AGTPBP1: variants seen among roughly 807,000 people sequenced by gnomAD.
AGTPBP1 encodes cytosolic carboxypeptidase 1.
AGTPBP1 carries 70 observed loss-of-function variants against 143.9 expected under a neutral mutation model. The ratio of observed to expected loss-of-function variants is 0.49; its 90% CI spans 0.40 to 0.59. AGTPBP1 has a LOEUF of 0.59. AGTPBP1 is among the 20% of genes least tolerant of loss of function. The pLI, the probability that AGTPBP1 is intolerant of heterozygous loss-of-function variation, is 0.00. For synonymous variants in AGTPBP1, 463 were observed against 500.2 expected, an observed-to-expected ratio of 0.93 and a Z score of 0.99; for missense variants, 1,229 against 1,464.5, an observed-to-expected ratio of 0.84 and a Z score of 2.62.
rs199589522 is a variant in AGTPBP1 at position 85,741,905 on chromosome 9, A to AGGCGGCGGCGGCGGC, written c.-179_-165dup. On this transcript the variant is annotated 5_prime_UTR_variant, in exon 1 of 26. Coordinates refer to ENST00000357081, the MANE Select transcript of AGTPBP1 (RefSeq NM_001330701.2). The stretch of plus-strand genomic sequence containing the variant: ...CAAACCCCGGTGGCAGGCGAGGCGG[A>AGGCGGCGGCGGCGGC]GGCGGCGGCGGCGGCAGCTGCGGCG... 4.5e-6 allele frequency: 6 copies of AGGCGGCGGCGGCGGC among 1,335,898 alleles called. No homozygotes were observed. Among genetic ancestry groups the AGGCGGCGGCGGCGGC allele is most frequent in the Non-Finnish European group, 4.8e-6 (5 of 1,046,534 alleles). The allele number at this position is 1,335,898 out of a possible 1,614,324, so 82.8% of individuals were successfully genotyped here. A position where few individuals can be genotyped will look rare whatever the true frequency, so the allele number is the denominator to read the frequency against.
chr9:85,575,926 T>C (rs1827869269), intron 24 of AGTPBP1, among the ~76,000 whole-genome samples: 2 of 152,180 alleles, frequency 1.3e-5, no homozygotes, highest in South Asian at 2.1e-4. Context: ...ACTTCTACTG[T>C]ATGATAAGAG....
chr9:85,679,559 C>T (rs532939009), intron 4 of AGTPBP1, among the ~76,000 whole-genome samples: 1 of 152,284 alleles, frequency 6.6e-6, no homozygotes, highest in South Asian at 2.1e-4. Context: ...AGGCGTCCGC[C>T]ACCACATCCA....
chr9:85,586,996 G>T, intron 21 of AGTPBP1, 36 bp from the exon 22 acceptor site: 3 of 1,611,622 alleles, frequency 1.9e-6, no homozygotes, highest in Non-Finnish European at 2.5e-6. Context: ...GAAAAACACT[G>T]GTACCCATAA....
intron 1 of AGTPBP1, among the ~76,000 whole-genome samples, chr9:85,731,485 G>A (rs1006180563): frequency 5.3e-5 from 8 of 151,922 alleles, no homozygotes; most frequent in Admixed American, 2.6e-4. Context: ...TTTGAGACAC[G>A]GTCTTGCTCT....
chr9:85,554,554 C>T (rs991950056), intron 25 of AGTPBP1, among the ~76,000 whole-genome samples: 3 of 152,160 alleles, frequency 2.0e-5, no homozygotes, highest in Non-Finnish European at 4.4e-5. Context: ...AGGTTTCATA[C>T]ATTTTGCAAC....
chr9:85,583,056 T>C (rs1828375636), intron 23 of AGTPBP1, among the ~76,000 whole-genome samples: 1 of 152,014 alleles, frequency 6.6e-6, no homozygotes, highest in African/African-American at 2.4e-5. Flanking sequence ...GATGTGACAA[T>C]GGAAGCAGAG....
At chr9:85,570,910 G>T (rs1827419387) in intron 25 of AGTPBP1, among the ~76,000 whole-genome samples, 1 of 152,174 alleles carries the variant, frequency 6.6e-6, no homozygotes, top group African/African-American at 2.4e-5. Flanking sequence ...CAGGCAGGTT[G>T]ATCAAGTAAG....
At chr9:85,589,390 T>C in intron 20 of AGTPBP1, 138 bp downstream of exon 20, 1 of 1,116,642 alleles carries the variant, frequency 9.0e-7, no homozygotes, top group Non-Finnish European at 1.2e-6. Flanking sequence ...CATGGCTAGC[T>C]AGATAATAGC....
intron 17 of AGTPBP1, among the ~76,000 whole-genome samples, chr9:85,601,081 G>T (rs575260267): frequency 6.6e-6 from 1 of 152,098 alleles, no homozygotes; most frequent in Non-Finnish European, 1.5e-5. Flanking sequence ...ATTAACACAC[G>T]CCTTGCAAAC....
the AGTPBP1 span, among the ~76,000 whole-genome samples, chr9:85,761,337 C>T: frequency 6.6e-6 from 1 of 152,164 alleles, no homozygotes; most frequent in Non-Finnish European, 1.5e-5. Context: ...GCCAAAAGAA[C>T]AAAGCTGGAG....
rs576824120 is a variant in AGTPBP1 at position 85,546,987 on chromosome 9, C to T, written c.*122G>A. 1.0e-6 allele frequency: 1 copy of T among 986,642 alleles called. No homozygotes were observed. 61.1% of individuals were successfully genotyped at this position (986,642 alleles called of 1,614,324 possible). ...TTTATTATCTTGAAACCAAACTGGC[C>T]CAAGTTACTTTTTGTCTTTTTGAGT... On this transcript the variant is annotated 3_prime_UTR_variant, in exon 26 of 26. Transcript: ENST00000357081.
chr9:85,761,923 TA>T, the AGTPBP1 span, among the ~76,000 whole-genome samples: 3 of 151,960 alleles, frequency 2.0e-5, no homozygotes, highest in African/African-American at 7.3e-5. Flanking sequence ...CAAACAAATT[TA>T]CAAGAAAAAA....
At chr9:85,781,530 AGAAGT>A in the AGTPBP1 span, among the ~76,000 whole-genome samples, 1 of 152,252 alleles carries the variant, frequency 6.6e-6, no homozygotes, top group Admixed American at 6.5e-5. Flanking sequence ...GAACCACATG[AGAAGT>A]GAATGAACAA....
At chr9:85,555,166 T>C (rs1407757035) in intron 25 of AGTPBP1, among the ~76,000 whole-genome samples, 1 of 152,086 alleles carries the variant, frequency 6.6e-6, no homozygotes, top group Non-Finnish European at 1.5e-5. Flanking sequence ...AAATCACAAA[T>C]TTAGGAGGGG....
upstream of AGTPBP1, among the ~76,000 whole-genome samples, chr9:85,746,696 A>T (rs1441117756): frequency 6.6e-6 from 1 of 152,062 alleles, no homozygotes; most frequent in Admixed American, 6.6e-5. Flanking sequence ...AGTGTACAGC[A>T]TGATGACTAT....
chr9:85,598,817 T>C (rs1477741492), intron 17 of AGTPBP1, among the ~76,000 whole-genome samples: 3 of 152,138 alleles, frequency 2.0e-5, no homozygotes, highest in Non-Finnish European at 2.9e-5. Flanking sequence ...CCTCCCAGGT[T>C]CAAGTGATTC....
At chr9:85,625,392 A>G (rs1488765349) in intron 14 of AGTPBP1, among the ~76,000 whole-genome samples, 1 of 152,210 alleles carries the variant, frequency 6.6e-6, no homozygotes, top group Non-Finnish European at 1.5e-5. Flanking sequence ...GTGGAAAATG[A>G]TATCTCAGTA....
rs371743071 is a variant in AGTPBP1 at position 85,610,799 on chromosome 9, T to C, written c.2335+8184A>G. Among the ~76,000 whole-genome samples, 43 of 152,348 alleles carry C rather than the reference T, an allele frequency of 2.8e-4. 1 individual carries two copies. The highest frequency in any genetic ancestry group is 1.0e-3 in the African/African-American group (42 of 41,576). On this transcript the variant is annotated intron_variant, in intron 17 of 25. Transcript: ENST00000357081. Reference sequence around the variant, plus strand: ...CAGCCCCCACCCTTAAAATGAATTATTGCTAGTTATAATTGCTTACAATGT... The same window carrying C: ...CAGCCCCCACCCTTAAAATGAATTACTGCTAGTTATAATTGCTTACAATGT...
Position 85,623,989 on chromosome 9 carries a change from C to G in AGTPBP1, c.2016-2704G>C, listed in dbSNP as rs528262943. Among the ~76,000 whole-genome samples, 62 of 152,260 alleles carry G rather than the reference C, an allele frequency of 4.1e-4. 1 individual carries two copies. Among genetic ancestry groups the G allele is most frequent in the Non-Finnish European group, 1.0e-4 (7 of 68,020 alleles). On this transcript the variant is annotated intron_variant, in intron 14 of 25. Coordinates refer to ENST00000357081, the MANE Select transcript of AGTPBP1 (RefSeq NM_001330701.2). ...TTGGCATGGAAAGGAATAATTTATG[C>G]AGGACTGTCTAGAAAATATATAGCC... is the stretch of plus-strand genomic sequence containing the variant.
Sources: allele counts gnomAD v4.1 joint callset (sites outside exome capture counted in the v4.1 genomes callset), GRCh38; gene constraint gnomAD v4.1.1; transcripts MANE v1.5; gene names NCBI Gene and HGNC (gene_info 2026-07-23, HGNC 2026-07-21).